The following TMEM132B variants were observed in gnomAD, a reference collection of about 807,000 sequenced individuals.
TMEM132B encodes the protein transmembrane protein 132B.
TMEM132B carries 18 observed loss-of-function variants against 90.8 expected under a neutral mutation model. The observed-to-expected ratio is 0.20, with a 90% CI of 0.14 to 0.29. The LOEUF (loss-of-function observed/expected upper bound fraction) is 0.29. TMEM132B is among the 10% of genes least tolerant of loss of function. The pLI is 1.00. For synonymous variants in TMEM132B, 504 were observed against 523.3 expected, an observed-to-expected ratio of 0.96 and a Z score of 0.50; for missense variants, 1,096 against 1,326.8, an observed-to-expected ratio of 0.83 and a Z score of 2.70.
intron 3 of TMEM132B, among the ~76,000 whole-genome samples, chr12:125,486,321 C>T (rs531430601): frequency 1.3e-5 from 2 of 152,050 alleles, no homozygotes; most frequent in Non-Finnish European, 2.9e-5. Flanking sequence ...CTTGTTAGTG[C>T]CTTATTACAT....
At chr12:125,302,931 T>C (rs888882794) in intron 1 of TMEM132B, among the ~76,000 whole-genome samples, 1 of 152,068 alleles carries the variant, frequency 6.6e-6, no homozygotes, top group Non-Finnish European at 1.5e-5. Context: ...ATCCCGTCTC[T>C]ACTAAAAATA....
chr12:125,357,587 CA>C (rs1877821203), intron 2 of TMEM132B, among the ~76,000 whole-genome samples: 1 of 152,164 alleles, frequency 6.6e-6, no homozygotes, highest in Non-Finnish European at 1.5e-5. Context: ...ATAGCAACAA[CA>C]AAAAACAATG....
chr12:125,571,703 C>T (rs562100447), intron 4 of TMEM132B, among the ~76,000 whole-genome samples: 1 of 152,288 alleles, frequency 6.6e-6, no homozygotes, highest in Admixed American at 6.5e-5. Context: ...TTCTCTCTTT[C>T]AACACAAAGA....
intron 5 of TMEM132B, among the ~76,000 whole-genome samples, chr12:125,602,694 T>C (rs1043905997): frequency 1.3e-5 from 2 of 152,224 alleles, no homozygotes; most frequent in East Asian, 3.8e-4. Context: ...GTAGACGACA[T>C]GATTCTATAT....
intron 5 of TMEM132B, among the ~76,000 whole-genome samples, chr12:125,635,102 C>T (rs1488978103): frequency 6.6e-6 from 1 of 152,188 alleles, no homozygotes; most frequent in East Asian, 1.9e-4. Flanking sequence ...GTTTGGACTG[C>T]TGGGATTGGA....
intron 2 of TMEM132B, among the ~76,000 whole-genome samples, chr12:125,371,952 C>T (rs1370132190): frequency 6.6e-6 from 1 of 152,206 alleles, no homozygotes; most frequent in Non-Finnish European, 1.5e-5. Flanking sequence ...TTTAAATTGA[C>T]TGTCACTCAC....
At chr12:125,286,470 A>G (rs547138208) in intron 1 of TMEM132B, among the ~76,000 whole-genome samples, 3 of 152,362 alleles carry the variant, frequency 2.0e-5, no homozygotes, top group Non-Finnish European at 4.4e-5. Flanking sequence ...AGTATTTGGC[A>G]GGAACACCTT....
At chr12:125,517,239 C>T (rs1214573396) in intron 3 of TMEM132B, among the ~76,000 whole-genome samples, 1 of 150,712 alleles carries the variant, frequency 6.6e-6, no homozygotes, top group Non-Finnish European at 1.5e-5. Flanking sequence ...CAGCTCACTG[C>T]AAGCTCCACC....
chr12:125,519,885 G>A lies in TMEM132B; in HGVS notation c.1293+260G>A, dbSNP rs145353527. Among the ~76,000 whole-genome samples the A allele has an allele frequency of 2.1e-3, 327 of 152,180 alleles. 2 individuals are homozygous for A. The highest frequency in any genetic ancestry group is 7.2e-3 in the African/African-American group (300 of 41,532). On this transcript the variant is annotated intron_variant, in intron 4 of 8. Coordinates refer to ENST00000682704, the MANE Select transcript of TMEM132B (RefSeq NM_001366854.1). ...CTTATTCTTTATTTTCTCAATCTGC[G>A]TGCATATCAGGACTGAGTGCTGCGC...
intron 2 of TMEM132B, among the ~76,000 whole-genome samples, chr12:125,391,073 G>C (rs898713519): frequency 6.1e-5 from 9 of 146,824 alleles, no homozygotes; most frequent in Non-Finnish European, 1.2e-4. Flanking sequence ...GTGTGTGTGT[G>C]TCTCACTATC....
At chr12:125,358,972 G>C (rs906916316) in intron 2 of TMEM132B, among the ~76,000 whole-genome samples, 1 of 152,112 alleles carries the variant, frequency 6.6e-6, no homozygotes, top group Admixed American at 6.5e-5. Flanking sequence ...CTTCTTATTT[G>C]AATTTATTTT....
At chr12:125,313,649 A>C (rs531588529) in intron 1 of TMEM132B, among the ~76,000 whole-genome samples, 13 of 35,658 alleles carry the variant, frequency 3.6e-4, no homozygotes, top group East Asian at 1.1e-3. Flanking sequence ...CTCCTCCCCC[A>C]CCTTTCCTTT....
rs375449645 is a variant in TMEM132B at position 125,641,830 on chromosome 12, G to A, written c.1438-2246G>A. Among the ~76,000 whole-genome samples, 118 of 152,242 alleles carry A rather than the reference G, an allele frequency of 7.8e-4. 1 individual carries two copies. In the South Asian group the frequency reaches 0.022, roughly 29 times the overall value. ...GGGTGGTTGGGTAGCAGTAAACAAG[G>A]GAGAACCGTAATTTTCCACAAATGC... On this transcript the variant is annotated intron_variant, in intron 5 of 8. Transcript: ENST00000682704.
intron 3 of TMEM132B, among the ~76,000 whole-genome samples, chr12:125,461,317 A>T (rs1322137857): frequency 6.6e-6 from 1 of 152,246 alleles, no homozygotes; most frequent in Non-Finnish European, 1.5e-5. Context: ...GGCTGATCAC[A>T]GGTACTGAGA....
intron 4 of TMEM132B, among the ~76,000 whole-genome samples, chr12:125,569,939 C>T (rs996996233): frequency 1.3e-5 from 2 of 152,004 alleles, no homozygotes; most frequent in African/African-American, 4.8e-5. Flanking sequence ...CTGGACCAAT[C>T]CATGGTGACT....
intron 1 of TMEM132B, among the ~76,000 whole-genome samples, chr12:125,261,008 C>T (rs114062902): frequency 2.2e-4 from 34 of 151,804 alleles, no homozygotes; most frequent in African/African-American, 7.7e-4. Context: ...AATGTGTGTG[C>T]CATCCAGTCA....
chr12:125,493,201 T>G (rs911366587), intron 3 of TMEM132B, among the ~76,000 whole-genome samples: 1 of 152,160 alleles, frequency 6.6e-6, no homozygotes, highest in African/African-American at 2.4e-5. Flanking sequence ...CTGGGAGCAC[T>G]TTGAGGAGGG....
intron 2 of TMEM132B, among the ~76,000 whole-genome samples, chr12:125,355,721 T>A (rs1184328576): frequency 6.6e-6 from 1 of 152,228 alleles, no homozygotes; most frequent in African/African-American, 2.4e-5. Flanking sequence ...CATTTCATTC[T>A]GGCTTAGGTG....
chr12:125,436,361 T>TCGTACCTC (rs1453804552), intron 3 of TMEM132B, among the ~76,000 whole-genome samples: 1 of 152,188 alleles, frequency 6.6e-6, no homozygotes, highest in Non-Finnish European at 1.5e-5. Flanking sequence ...TGTTATGGAA[T>TCGTACCTC]CGTACCTCTT....
Sources: gnomAD v4.1 joint callset for allele counts (sites outside exome capture counted in the v4.1 genomes callset) on GRCh38, gnomAD v4.1.1 for gene constraint, MANE v1.5 for transcripts, NCBI Gene and HGNC (gene_info 2026-07-23, HGNC 2026-07-21) for gene names.